The following TTLL5 variants were observed in gnomAD, a reference collection of about 807,000 sequenced individuals.
The protein encoded by TTLL5 is tubulin polyglutamylase TTLL5.
TTLL5 carries 132 observed loss-of-function variants against 168.4 expected under a neutral mutation model. That is an observed-to-expected ratio of 0.78 (90% CI 0.68 to 0.91). The LOEUF (loss-of-function observed/expected upper bound fraction) is 0.91, where lower values mean the gene tolerates loss of function less well. Among genes scored for constraint, TTLL5 ranks in the 40% least tolerant of loss-of-function variants. The pLI is 0.00. For missense variants in TTLL5, 1,545 were observed against 1,581.5 expected (o/e 0.98, Z 0.39); for synonymous variants, 546 against 558.6 (o/e 0.98, Z 0.32).
At chr14:75,665,920 A>G (rs566229778) in intron 2 of TTLL5, among the ~76,000 whole-genome samples, 30 of 152,340 alleles carry the variant, frequency 2.0e-4, no homozygotes, top group African/African-American at 7.0e-4. Context: ...TGCTAATATT[A>G]CTATGGTTCG....
chr14:75,682,814 A>G (rs941731618), intron 4 of TTLL5, among the ~76,000 whole-genome samples: 47 of 151,328 alleles, frequency 3.1e-4, no homozygotes, highest in African/African-American at 1.1e-3. Context: ...TTACCCAGGC[A>G]GGAGAACAGT....
At chr14:75,863,634 C>G in intron 28 of TTLL5, 33 bp from the exon 29 acceptor site, 1 of 1,557,818 alleles carries the variant, frequency 6.4e-7, no homozygotes, top group Non-Finnish European at 8.7e-7. Flanking sequence ...TACAGCCACT[C>G]ACTCTAAGAA....
intron 27 of TTLL5, among the ~76,000 whole-genome samples, chr14:75,806,030 C>CT (rs200829500): frequency 0.018 from 2,520 of 137,908 alleles, 30 homozygotes; most frequent in African/African-American, 0.027. Flanking sequence ...CTGAAAGATT[C>CT]TTTTTTTTTT....
chr14:75,804,224 T>C (rs1893518400), intron 27 of TTLL5, among the ~76,000 whole-genome samples: 1 of 152,228 alleles, frequency 6.6e-6, no homozygotes. Flanking sequence ...TTCTTGCTCC[T>C]TACCCTGAGA....
At position 75,951,122 on chromosome 14, in the gene TTLL5, T is replaced by C. The variant is rs113088262; in HGVS notation, c.3824-3302T>C. Among the ~76,000 whole-genome samples, 438 of 152,292 alleles carry C rather than the reference T, an allele frequency of 2.9e-3. 3 individuals carry two copies. The highest frequency in any genetic ancestry group is 0.01 in the African/African-American group (426 of 41,568). On this transcript the variant is annotated intron_variant, in intron 31 of 31. Transcript: ENST00000298832. ...ACTTTGGCAGGCTGAGGCAGGAGGC[T>C]CACTTGAGCCCAGGAGTTTTAGACC...
rs540211209 is a variant in TTLL5 at position 75,731,863 on chromosome 14, G to A, written c.1043-475G>A. ...TATCTTGGTTTAAGAAAATGTGATG[G>A]AAGGATTCTAGAGAAATGCCTTCAG... On this transcript the variant is annotated intron_variant, in intron 12 of 31. Transcript: ENST00000298832. 8.6e-4 allele frequency among the ~76,000 whole-genome samples: 131 copies of A among 152,314 alleles called. No homozygotes were observed. In the Middle Eastern group the frequency reaches 0.01, roughly 12 times the overall value.
At chr14:75,865,632 CA>C (rs1414827214) in intron 29 of TTLL5, among the ~76,000 whole-genome samples, 1 of 152,116 alleles carries the variant, frequency 6.6e-6, no homozygotes, top group Non-Finnish European at 1.5e-5. Context: ...GAAGGAGAGG[CA>C]GTTTTGTTGA....
intron 31 of TTLL5, among the ~76,000 whole-genome samples, chr14:75,945,852 G>C (rs960950424): frequency 6.6e-6 from 1 of 152,178 alleles, no homozygotes; most frequent in African/African-American, 2.4e-5. Context: ...AGCAGCTGGA[G>C]GGAGTGGAAG....
At chr14:75,700,106 A>T (rs1314932344) in intron 7 of TTLL5, among the ~76,000 whole-genome samples, 1 of 152,242 alleles carries the variant, frequency 6.6e-6, no homozygotes, top group Non-Finnish European at 1.5e-5. Context: ...TGAGTAAAAC[A>T]TTTAAACTCA....
chr14:75,891,495 C>T (rs532257617), intron 30 of TTLL5, among the ~76,000 whole-genome samples: 51 of 152,170 alleles, frequency 3.4e-4, no homozygotes, highest in Non-Finnish European at 5.1e-4. Flanking sequence ...GTGATAACAC[C>T]AGTGGACAAG....
intron 20 of TTLL5, among the ~76,000 whole-genome samples, chr14:75,769,571 A>C (rs182218070): frequency 4.8e-4 from 73 of 152,334 alleles, no homozygotes; most frequent in African/African-American, 1.6e-3. Context: ...AGTGATTCAC[A>C]ACAAAACAAT....
intron 11 of TTLL5, among the ~76,000 whole-genome samples, chr14:75,720,215 G>A (rs527244951): frequency 6.6e-6 from 1 of 152,192 alleles, no homozygotes; most frequent in Non-Finnish European, 1.5e-5. Flanking sequence ...CACTGTTTGA[G>A]CACAGGGCTT....
intron 7 of TTLL5, among the ~76,000 whole-genome samples, chr14:75,701,734 T>C (rs1336732348): frequency 2.0e-5 from 3 of 152,214 alleles, no homozygotes. Flanking sequence ...TGCTGTTTGT[T>C]AATTATCTGA....
chr14:75,694,400 G>A (rs1885680268), intron 6 of TTLL5, among the ~76,000 whole-genome samples: 1 of 150,428 alleles, frequency 6.6e-6, no homozygotes, highest in Non-Finnish European at 1.5e-5. Flanking sequence ...GCAATGGTGT[G>A]ATCTCGGCTC....
At chr14:75,903,355 A>G (rs1255323374) in intron 31 of TTLL5, among the ~76,000 whole-genome samples, 1 of 152,084 alleles carries the variant, frequency 6.6e-6, no homozygotes, top group African/African-American at 2.4e-5. Context: ...CAGTGCAAGC[A>G]AAGACCGGGG....
At chr14:75,720,992 A>G (rs1157061816) in intron 12 of TTLL5, among the ~76,000 whole-genome samples, 1 of 152,202 alleles carries the variant, frequency 6.6e-6, no homozygotes, top group African/African-American at 2.4e-5. Flanking sequence ...CGGACTGTAC[A>G]GGAATCCAGC....
At chr14:75,782,443 CA>C (rs766753335) in intron 24 of TTLL5, 43 bp from the exon 25 acceptor site, 1 of 1,485,520 alleles carries the variant, frequency 6.7e-7, no homozygotes. Flanking sequence ...AGCGGACTTG[CA>C]ATTGATTATA....
At chr14:75,808,027 T>A (rs1436485584) in intron 27 of TTLL5, among the ~76,000 whole-genome samples, 2 of 152,204 alleles carry the variant, frequency 1.3e-5, no homozygotes, top group Non-Finnish European at 2.9e-5. Context: ...AACTCAGCCT[T>A]GTTAATCACT....
intron 5 of TTLL5, 21 bp downstream of exon 5, chr14:75,683,677 T>C (rs1478031245): frequency 6.3e-7 from 1 of 1,588,990 alleles, no homozygotes; most frequent in Admixed American, 1.7e-5. Flanking sequence ...TTGTAGCTGC[T>C]TTGCTTCATT....
Sources: gnomAD v4.1 joint callset for allele counts (sites outside exome capture counted in the v4.1 genomes callset) on GRCh38, gnomAD v4.1.1 for gene constraint, MANE v1.5 for transcripts, NCBI Gene and HGNC (gene_info 2026-07-23, HGNC 2026-07-21) for gene names.